The following SLC2A7 variants were observed in gnomAD, a reference collection of about 807,000 sequenced individuals.
The protein encoded by SLC2A7 is solute carrier family 2, facilitated glucose transporter member 7.
SLC2A7 carries 50 observed loss-of-function variants against 50.5 expected under a neutral mutation model. That is an observed-to-expected ratio of 0.99 (90% CI 0.79 to 1.25). SLC2A7 has a LOEUF of 1.25. SLC2A7 is among the 50% of genes most tolerant of loss of function. The pLI is 0.00. For missense variants in SLC2A7, 683 were observed against 679.1 expected (o/e 1.01, Z -0.06); for synonymous variants, 308 against 300.4 (o/e 1.03, Z -0.26).
Position 9,019,329 on chromosome 1 carries a change from C to T in SLC2A7, c.316G>A (p.Gly106Arg), listed in dbSNP as rs1640878338. 6.2e-7 allele frequency: 1 copy of T among 1,613,840 alleles called. No individual in the cohort carries two copies. The highest frequency in any genetic ancestry group is 8.5e-7 in the Non-Finnish European group (1 of 1,179,906). ...GLLVDSCGRK[G>R]TLLINNIFAI... ...AAGATGTTGTTGATCAGCAGGGTCC[C>T]CTTTCTGCAAAGACAGTGAGCCCAG... Residue 106 changes from glycine to arginine, a missense_variant, in exon 4 of 12, where the codon GGG becomes AGG. Physicochemically the swap from Gly to Arg is moderately radical, Grantham distance 125 (BLOSUM62 -2). Transcript: ENST00000400906.
chr1:9,015,823 A>C (rs1356637947), intron 5 of SLC2A7, among the ~76,000 whole-genome samples: 2 of 150,440 alleles, frequency 1.3e-5, no homozygotes, highest in East Asian at 3.9e-4. Context: ...TCCCAGGCTC[A>C]TGTGATCCTC....
intron 2 of SLC2A7, among the ~76,000 whole-genome samples, chr1:9,024,267 A>C (rs1479844761): frequency 2.0e-5 from 3 of 152,208 alleles, no homozygotes. Context: ...CTTATAAAGA[A>C]TGTGTTAGCA....
intron 8 of SLC2A7, 49 bp from the exon 9 acceptor site, chr1:9,010,293 G>C: frequency 6.7e-7 from 1 of 1,489,118 alleles, no homozygotes; most frequent in Middle Eastern, 2.2e-4. Flanking sequence ...TGGCGCCCAC[G>C]GTTCTTGGGC....
At chr1:9,010,970 C>A (rs1640740534) in intron 8 of SLC2A7, among the ~76,000 whole-genome samples, 1 of 152,258 alleles carries the variant, frequency 6.6e-6, no homozygotes, top group Non-Finnish European at 1.5e-5. Flanking sequence ...ACCAACAATG[C>A]AGGCCCACAC....
the SLC2A7 span, among the ~76,000 whole-genome samples, chr1:8,993,462 A>G: frequency 6.6e-6 from 1 of 152,162 alleles, no homozygotes. Context: ...ACAAACAAAC[A>G]AACCCTAAAC....
At chr1:8,995,266 G>A in the SLC2A7 span, among the ~76,000 whole-genome samples, 3 of 151,456 alleles carry the variant, frequency 2.0e-5, no homozygotes, top group Non-Finnish European at 2.9e-5. Flanking sequence ...GGCTAACACC[G>A]TGAAACCCCG....
chr1:9,001,641 C>T (rs1254940056), downstream of SLC2A7, among the ~76,000 whole-genome samples: 1 of 152,094 alleles, frequency 6.6e-6, no homozygotes, highest in Non-Finnish European at 1.5e-5. Context: ...TGGTCTCGAA[C>T]TCCTGAGCTC....
intron 3 of SLC2A7, among the ~76,000 whole-genome samples, chr1:9,019,542 A>G (rs577717881): frequency 1.3e-3 from 191 of 152,160 alleles, no homozygotes; most frequent in African/African-American, 4.4e-3. Context: ...AGCAGGAGGG[A>G]CCTCTGGGAG....
chr1:8,996,355 T>A, the SLC2A7 span, among the ~76,000 whole-genome samples: 2 of 152,204 alleles, frequency 1.3e-5, no homozygotes, highest in Non-Finnish European at 2.9e-5. Context: ...GTGTCAATAG[T>A]TCGTGTCTTT....
intron 9 of SLC2A7, among the ~76,000 whole-genome samples, chr1:9,009,678 G>A (rs1289599236): frequency 3.3e-5 from 5 of 152,146 alleles, no homozygotes; most frequent in African/African-American, 1.2e-4. Flanking sequence ...GACTGGTCTT[G>A]AGCTCCTGGG....
downstream of SLC2A7, among the ~76,000 whole-genome samples, chr1:9,002,738 ATTTCT>A (rs1292671274): frequency 2.0e-5 from 3 of 152,048 alleles, no homozygotes; most frequent in East Asian, 5.8e-4. Context: ...TCTGTGTCTT[ATTTCT>A]TTTTTCAGTC....
At chr1:9,018,548 G>C (rs1266750233) in intron 4 of SLC2A7, among the ~76,000 whole-genome samples, 173 bp from the exon 5 acceptor site, 1 of 152,212 alleles carries the variant, frequency 6.6e-6, no homozygotes, top group African/African-American at 2.4e-5. Flanking sequence ...AATCCCTCCA[G>C]AATCCTCAGC....
At chr1:9,023,632 G>A (rs1640947339) in intron 2 of SLC2A7, among the ~76,000 whole-genome samples, 2 of 151,382 alleles carry the variant, frequency 1.3e-5, no homozygotes, top group African/African-American at 4.9e-5. Context: ...ACTTTTGGCT[G>A]GGAATGGCTC....
chr1:9,006,235 C>T (rs1053504303), intron 10 of SLC2A7, among the ~76,000 whole-genome samples: 5 of 152,152 alleles, frequency 3.3e-5, no homozygotes, highest in Non-Finnish European at 5.9e-5. Context: ...ACTGGGAAGG[C>T]GTCCTGCTCT....
At chr1:9,020,710 C>A (rs1397915455) in intron 3 of SLC2A7, among the ~76,000 whole-genome samples, 2 of 144,758 alleles carry the variant, frequency 1.4e-5, no homozygotes, top group African/African-American at 5.2e-5. Context: ...CTTGCTCTGT[C>A]GCCCAGGCTA....
Position 9,008,650 on chromosome 1 carries a change from G to GCAGT in SLC2A7, c.1117-1269_1117-1266dup, listed in dbSNP as rs1365693592. 6.6e-6 allele frequency among the ~76,000 whole-genome samples: 1 copy of GCAGT among 151,396 alleles called. No individual in the cohort carries two copies. The highest frequency in any genetic ancestry group is 1.5e-5 in the Non-Finnish European group (1 of 67,922). On this transcript the variant is annotated intron_variant, in intron 9 of 11. Transcript: ENST00000400906. The surrounding 1 kb of genome is among the most constrained non-coding windows in gnomAD (Gnocchi z 5.9). ...ATCTCGCTCTGTCACCCAGGCTGGAGCAGTGCTGTGATCTTGGCTCACTGC... is the reference window on the plus strand; with the variant it reads ...ATCTCGCTCTGTCACCCAGGCTGGAGCAGTCAGTGCTGTGATCTTGGCTCACTGC...
rs1229364199 is a variant in SLC2A7, at chr1:9,018,289, A to G, written c.523T>C (p.Phe175Leu). The change falls in exon 5 of 12, where the codon TTC becomes CTC. Residue 175 changes from phenylalanine to leucine, a missense_variant. Phe to Leu is a conservative substitution (Grantham distance 22, BLOSUM62 0). Transcript: ENST00000400906. ...RGMVGTMTEVFVIVGVFLAQI... is the reference protein window; with the variant it reads ...RGMVGTMTEVLVIVGVFLAQI... ...GCTAGGAAGACTCCAACGATGACGA[A>G]AACCTCGGTCATTGTTCCCACCATG... 6.8e-6 allele frequency: 11 copies of G among 1,614,022 alleles called. 1 individual carries two copies. In the East Asian group the frequency reaches 2.4e-4, roughly 36 times the overall value.
chr1:9,007,433 T>TGC (rs1640671731), intron 9 of SLC2A7, 48 bp from the exon 10 acceptor site: 3 of 1,584,260 alleles, frequency 1.9e-6, no homozygotes, highest in African/African-American at 1.3e-5. Context: ...GAGCCCCACG[T>TGC]GCGGGGGGGT....
At chr1:9,004,724 G>A (rs529508783) in intron 11 of SLC2A7, 28 bp downstream of exon 11, 2 of 1,613,118 alleles carry the variant, frequency 1.2e-6, no homozygotes, top group South Asian at 1.1e-5. Flanking sequence ...GCCCGGTGGA[G>A]CGGGTTGGGG....
Sources: gnomAD v4.1 joint callset for allele counts (sites outside exome capture counted in the v4.1 genomes callset) on GRCh38, gnomAD v4.1.1 for gene constraint, Gnocchi (gnomAD v3.1) non-coding constraint, MANE v1.5 for transcripts, NCBI Gene and HGNC (gene_info 2026-07-23, HGNC 2026-07-21) for gene names.